The following SUPT3H variants were observed in gnomAD, a reference collection of about 807,000 sequenced individuals.
SUPT3H encodes the protein SPT3 homolog, SAGA and STAGA complex component.
In SUPT3H, 44 loss-of-function variants were observed where a neutral mutation model predicts 44.3. The observed-to-expected ratio is 0.99, with a 90% CI of 0.78 to 1.28. The LOEUF (loss-of-function observed/expected upper bound fraction) is 1.28. Among genes scored for constraint, SUPT3H ranks in the 50% most tolerant of loss-of-function variants. The probability of loss-of-function intolerance (pLI) is 0.00; values close to 1 mark genes in which losing one functional copy is unlikely to be tolerated. For synonymous variants in SUPT3H, 124 were observed against 125.6 expected, an observed-to-expected ratio of 0.99 and a Z score of 0.09; for missense variants, 380 against 387.1, an observed-to-expected ratio of 0.98 and a Z score of 0.15.
At chr6:44,837,455 G>T (rs533717810) in intron 10 of SUPT3H, among the ~76,000 whole-genome samples, 1 of 152,276 alleles carries the variant, frequency 6.6e-6, no homozygotes, top group African/African-American at 2.4e-5. Flanking sequence ...AGCAGGGGCT[G>T]GATAGTCTCA....
intron 3 of SUPT3H, among the ~76,000 whole-genome samples, chr6:45,083,167 CATTATTATTATTATT>C (rs112983311): frequency 1.9e-4 from 28 of 143,924 alleles, no homozygotes; most frequent in South Asian, 1.1e-3. Flanking sequence ...ATTAAAGAAT[CATTATTATTATTATT>C]ATTATTATTA....
At chr6:45,314,050 C>G (rs542848877) in intron 2 of SUPT3H, among the ~76,000 whole-genome samples, 1 of 152,256 alleles carries the variant, frequency 6.6e-6, no homozygotes, top group African/African-American at 2.4e-5. Context: ...ATCACACAAT[C>G]ATCTCAATCG....
Position 45,280,223 on chromosome 6 carries a change from C to T in SUPT3H, c.101+84978G>A, listed in dbSNP as rs754199438. ...TGAGCACAAACTTTTAGGTATAGGC[C>T]AGGTGTCGTGGCTCACACCTGTAAT... is the stretch of plus-strand genomic sequence containing the variant. On this transcript the variant is annotated intron_variant, in intron 2 of 10. Transcript: ENST00000371459. 3.9e-5 allele frequency among the ~76,000 whole-genome samples: 6 copies of T among 152,056 alleles called. No individual in the cohort carries two copies. In the South Asian group the frequency reaches 1.2e-3, roughly 32 times the overall value.
chr6:45,208,238 T>A (rs142851246), intron 2 of SUPT3H, among the ~76,000 whole-genome samples: 15 of 152,278 alleles, frequency 9.9e-5, no homozygotes, highest in African/African-American at 3.6e-4. Flanking sequence ...TCTTCTCAAT[T>A]CTATGAAGGC....
At chr6:45,332,262 G>A (rs1393123687) in intron 2 of SUPT3H, among the ~76,000 whole-genome samples, 1 of 151,154 alleles carries the variant, frequency 6.6e-6, no homozygotes, top group African/African-American at 2.4e-5. Context: ...TTCAAGAGCT[G>A]CTCACATGAA....
intron 2 of SUPT3H, among the ~76,000 whole-genome samples, chr6:45,298,565 G>T (rs1183682846): frequency 6.7e-6 from 1 of 149,248 alleles, no homozygotes; most frequent in Admixed American, 6.7e-5. Context: ...TCGATCTCCT[G>T]ACCTCGTGAT....
intron 2 of SUPT3H, among the ~76,000 whole-genome samples, chr6:45,114,809 T>C (rs1278818015): frequency 6.6e-6 from 1 of 152,026 alleles, no homozygotes; most frequent in Non-Finnish European, 1.5e-5. Context: ...GAATGTTAGG[T>C]CAAAAAATAA....
At chr6:45,211,483 T>G (rs1464399971) in intron 2 of SUPT3H, among the ~76,000 whole-genome samples, 1 of 152,184 alleles carries the variant, frequency 6.6e-6, no homozygotes, top group African/African-American at 2.4e-5. Context: ...TTATGTTCTG[T>G]GCTTTCCAAG....
chr6:45,272,065 T>C (rs1776280588), intron 2 of SUPT3H, among the ~76,000 whole-genome samples: 1 of 152,220 alleles, frequency 6.6e-6, no homozygotes, highest in Non-Finnish European at 1.5e-5. Flanking sequence ...ATCTAGGAAG[T>C]AACAAACTTG....
chr6:45,106,500 G>A (rs1799295344), intron 2 of SUPT3H, among the ~76,000 whole-genome samples: 1 of 152,102 alleles, frequency 6.6e-6, no homozygotes, highest in African/African-American at 2.4e-5. Context: ...GAAAAGTGCA[G>A]TGTTATCTAT....
At chr6:45,064,525 A>C (rs1436931279) in intron 3 of SUPT3H, among the ~76,000 whole-genome samples, 3 of 137,838 alleles carry the variant, frequency 2.2e-5, no homozygotes, top group Admixed American at 7.3e-5. Context: ...AAATTGGATA[A>C]AGAGTCAAGA....
At chr6:45,184,266 T>G (rs891683219) in intron 2 of SUPT3H, among the ~76,000 whole-genome samples, 8 of 152,194 alleles carry the variant, frequency 5.3e-5, no homozygotes, top group South Asian at 2.1e-4. Context: ...AGTGTATGCT[T>G]AAAAATGGCT....
intron 2 of SUPT3H, among the ~76,000 whole-genome samples, chr6:45,343,258 C>T (rs1581736287): frequency 6.6e-6 from 1 of 152,046 alleles, no homozygotes; most frequent in African/African-American, 2.4e-5. Context: ...ACCTGTAATC[C>T]CAGCACTTTG....
intron 10 of SUPT3H, among the ~76,000 whole-genome samples, chr6:44,885,171 T>A (rs1188961904): frequency 6.6e-6 from 1 of 152,134 alleles, no homozygotes; most frequent in Non-Finnish European, 1.5e-5. Flanking sequence ...CTCTGTAGGC[T>A]CCACCTCTGC....
intron 10 of SUPT3H, among the ~76,000 whole-genome samples, chr6:44,895,546 C>G (rs953924509): frequency 2.0e-5 from 3 of 152,116 alleles, no homozygotes; most frequent in Non-Finnish European, 4.4e-5. Flanking sequence ...AAATAATGCT[C>G]TAGTTATATT....
chr6:44,904,038 A>G (rs1240330137), intron 10 of SUPT3H, among the ~76,000 whole-genome samples: 1 of 152,214 alleles, frequency 6.6e-6, no homozygotes, highest in Non-Finnish European at 1.5e-5. Flanking sequence ...TCTCAAAATA[A>G]TAAGAGCTAT....
At chr6:44,905,509 G>A (rs1582400530) in intron 10 of SUPT3H, among the ~76,000 whole-genome samples, 1 of 151,012 alleles carries the variant, frequency 6.6e-6, no homozygotes, top group African/African-American at 2.4e-5. Context: ...TCATTAAAAA[G>A]TCAGGAAACA....
chr6:45,275,369 ATTT>A (rs1171398143), intron 2 of SUPT3H, among the ~76,000 whole-genome samples: 1 of 152,056 alleles, frequency 6.6e-6, no homozygotes, highest in Admixed American at 6.6e-5. Context: ...TTACTTTACC[ATTT>A]TTTTAGAAAA....
intron 4 of SUPT3H, among the ~76,000 whole-genome samples, chr6:45,019,079 A>G (rs183765715): frequency 2.0e-5 from 3 of 152,038 alleles, no homozygotes; most frequent in Non-Finnish European, 2.9e-5. Flanking sequence ...GTCTTGGGAG[A>G]GTGTATCTGT....
Sources: gnomAD v4.1 joint callset for allele counts (sites outside exome capture counted in the v4.1 genomes callset) on GRCh38, gnomAD v4.1.1 for gene constraint, MANE v1.5 for transcripts, NCBI Gene and HGNC (gene_info 2026-07-23, HGNC 2026-07-21) for gene names.